Variants in ABCC4 observed in about 807,000 individuals in gnomAD.
ABCC4 encodes ATP-binding cassette sub-family C member 4.
A neutral mutation model predicts 168.5 loss-of-function variants in ABCC4; 102 were observed. That is an observed-to-expected ratio of 0.61 (90% confidence interval 0.52 to 0.71). The LOEUF (loss-of-function observed/expected upper bound fraction) is 0.71, where lower values mean the gene tolerates loss of function less well. ABCC4 is among the 30% of genes least tolerant of loss of function. The pLI is 0.00. For missense variants in ABCC4, 1,402 were observed against 1,605.8 expected (o/e 0.87, Z 2.17); for synonymous variants, 617 against 590.7 (o/e 1.04, Z -0.65).
intron 1 of ABCC4, among the ~76,000 whole-genome samples, chr13:95,257,088 A>G (rs1241212185): frequency 1.3e-5 from 2 of 152,264 alleles, no homozygotes; most frequent in East Asian, 3.8e-4. Context: ...CAAAACCTTA[A>G]CTAGTAATAG....
intron 19 of ABCC4, among the ~76,000 whole-genome samples, chr13:95,152,415 C>T (rs1036435568): frequency 2.6e-5 from 4 of 152,264 alleles, no homozygotes; most frequent in African/African-American, 9.6e-5. Flanking sequence ...CAAATATTTA[C>T]TAATCAGATA....
At chr13:95,064,229 C>A (rs1297357536) in intron 25 of ABCC4, among the ~76,000 whole-genome samples, 3 of 139,730 alleles carry the variant, frequency 2.1e-5, no homozygotes, top group Non-Finnish European at 3.0e-5. Flanking sequence ...CCATTTTCTG[C>A]ACATAGGTAC....
chr13:95,169,942 C>T (rs1226208360), intron 14 of ABCC4, among the ~76,000 whole-genome samples: 1 of 152,138 alleles, frequency 6.6e-6, no homozygotes, highest in African/African-American at 2.4e-5. Flanking sequence ...CTACAACCTC[C>T]GCCTCCCGGG....
chr13:95,134,744 A>T (rs1329826900), intron 19 of ABCC4, among the ~76,000 whole-genome samples: 1 of 152,082 alleles, frequency 6.6e-6, no homozygotes, highest in African/African-American at 2.4e-5. Flanking sequence ...AAATAAATAA[A>T]TAAGGACAAG....
intron 20 of ABCC4, among the ~76,000 whole-genome samples, chr13:95,086,600 A>C (rs2034264640): frequency 6.6e-6 from 1 of 152,232 alleles, no homozygotes; most frequent in Non-Finnish European, 1.5e-5. Context: ...TTAGGTATCT[A>C]TCCACTATTT....
intron 1 of ABCC4, among the ~76,000 whole-genome samples, chr13:95,277,634 C>T (rs4771910): frequency 0.65 from 97,263 of 150,708 alleles, 32,432 homozygotes; most frequent in South Asian, 0.74. Flanking sequence ...TGAATGGGGG[C>T]GTTTACTCTA....
intron 1 of ABCC4, among the ~76,000 whole-genome samples, chr13:95,254,607 C>T (rs1004066614): frequency 5.9e-5 from 9 of 152,174 alleles, no homozygotes; most frequent in African/African-American, 1.7e-4. Context: ...AAAAGAAAAC[C>T]TTCAGGTGAC....
At chr13:95,033,844 TAG>T (rs1425311181) in intron 30 of ABCC4, among the ~76,000 whole-genome samples, 1 of 152,102 alleles carries the variant, frequency 6.6e-6, no homozygotes, top group Non-Finnish European at 1.5e-5. Context: ...GTATTTTTAG[TAG>T]AGACGGGGTT....
intron 3 of ABCC4, among the ~76,000 whole-genome samples, chr13:95,236,479 C>T (rs2039772990): frequency 6.6e-6 from 1 of 152,170 alleles, no homozygotes; most frequent in African/African-American, 2.4e-5. Flanking sequence ...AATTAACACA[C>T]ACTTTCATCC....
rs528746914 is a variant in ABCC4 at position 95,205,993 on chromosome 13, G to A, written c.1161+539C>T. ...CAACAGTAAGAAAAAAGTGAAAAGC[G>A]GACAGGAAAGAAATGGCAGAGGTCC... On this transcript the variant is annotated intron_variant, in intron 8 of 30. Transcript: ENST00000645237. Among the ~76,000 whole-genome samples, 11 of 152,222 alleles carry A rather than the reference G, an allele frequency of 7.2e-5. No homozygotes were observed. In the East Asian group the frequency reaches 9.6e-4, roughly 13 times the overall value.
intron 13 of ABCC4, among the ~76,000 whole-genome samples, chr13:95,172,080 C>T (rs2037497063): frequency 6.6e-6 from 1 of 152,174 alleles, no homozygotes; most frequent in African/African-American, 2.4e-5. Flanking sequence ...TTCCTAACAT[C>T]TTCCATTGTA....
rs4148510 is a variant in ABCC4 at position 95,140,094 on chromosome 13, T to A, written c.2455+21095A>T. Among the ~76,000 whole-genome samples, 22 of 152,342 alleles carry A rather than the reference T, an allele frequency of 1.4e-4. No individual in the cohort carries two copies. The East Asian group carries it at 4.1e-3, about 28-fold the overall frequency. ...TCCACTTACTCAGTCTTACCTTCAG[T>A]TCTGCTTCTTCCAAAAGTCTCCTCA... On this transcript the variant is annotated intron_variant, in intron 19 of 30. Transcript: ENST00000645237.
At chr13:95,026,771 TC>T (rs1175004977) in intron 30 of ABCC4, among the ~76,000 whole-genome samples, 1 of 151,898 alleles carries the variant, frequency 6.6e-6, no homozygotes, top group Non-Finnish European at 1.5e-5. Context: ...TGCCTCTAGT[TC>T]CAGCTTTAAG....
intron 4 of ABCC4, among the ~76,000 whole-genome samples, chr13:95,212,542 G>C (rs61556197): frequency 0.21 from 32,615 of 152,162 alleles, 3,994 homozygotes; most frequent in South Asian, 0.33. Flanking sequence ...ATCATCCACA[G>C]ATTGTGTCTG....
chr13:95,124,267 G>A (rs770453916), intron 19 of ABCC4, among the ~76,000 whole-genome samples: 14 of 152,080 alleles, frequency 9.2e-5, no homozygotes, highest in Non-Finnish European at 1.9e-4. Context: ...AGATTGACTC[G>A]GCTTCTGCCT....
intron 26 of ABCC4, among the ~76,000 whole-genome samples, chr13:95,059,114 A>G (rs2033186438): frequency 6.6e-6 from 1 of 152,230 alleles, no homozygotes; most frequent in African/African-American, 2.4e-5. Flanking sequence ...TGCAAAGCAG[A>G]GTTCTGATCG....
chr13:95,158,430 G>C (rs2036951810), intron 19 of ABCC4, among the ~76,000 whole-genome samples: 1 of 152,170 alleles, frequency 6.6e-6, no homozygotes, highest in African/African-American at 2.4e-5. Flanking sequence ...CAGACCCCCG[G>C]TGTGAATCAC....
chr13:95,290,094 C>A (rs2041353669), intron 1 of ABCC4, among the ~76,000 whole-genome samples: 1 of 113,838 alleles, frequency 8.8e-6, no homozygotes, highest in African/African-American at 2.8e-5. Context: ...AAAACTCTGT[C>A]TCAAAAAAAA....
intron 1 of ABCC4, among the ~76,000 whole-genome samples, chr13:95,264,697 T>C (rs79921462): frequency 0.045 from 6,909 of 152,104 alleles, 313 homozygotes; most frequent in African/African-American, 0.11. Flanking sequence ...GCTAAATACA[T>C]TATAGGATCC....
Sources: gnomAD v4.1 joint callset for allele counts (sites outside exome capture counted in the v4.1 genomes callset) on GRCh38, gnomAD v4.1.1 for gene constraint, MANE v1.5 for transcripts, NCBI Gene and HGNC (gene_info 2026-07-23, HGNC 2026-07-21) for gene names.